The following SCFD2 variants were observed in gnomAD, a reference collection of about 807,000 sequenced individuals.
SCFD2 encodes the protein sec1 family domain-containing protein 2.
Under a neutral mutation model 58.9 loss-of-function variants are expected in SCFD2, and 54 were observed. The ratio of observed to expected loss-of-function variants is 0.92; its 90% CI spans 0.74 to 1.15. The LOEUF is 1.15. Ranked by LOEUF, SCFD2 falls within the 50% of genes most tolerant of loss-of-function variation. The pLI, the probability that SCFD2 is intolerant of heterozygous loss-of-function variation, is 0.00. For synonymous variants in SCFD2, 321 were observed against 335.9 expected, an observed-to-expected ratio of 0.96 and a Z score of 0.49; for missense variants, 805 against 836.6, an observed-to-expected ratio of 0.96 and a Z score of 0.47.
At chr4:53,238,056 A>AC (rs1186971221) in intron 4 of SCFD2, among the ~76,000 whole-genome samples, 90 of 107,626 alleles carry the variant, frequency 8.4e-4, no homozygotes, top group Non-Finnish European at 1.2e-3. Context: ...CGGGGGGCTG[A>AC]CCCCCCCACC....
chr4:53,093,644 A>G (rs1322639475), intron 5 of SCFD2, among the ~76,000 whole-genome samples: 2 of 152,192 alleles, frequency 1.3e-5, no homozygotes, highest in Admixed American at 1.3e-4. Flanking sequence ...AACCATAAAA[A>G]TTTAATAGAA....
At chr4:53,176,065 A>C (rs1309373343) in intron 4 of SCFD2, among the ~76,000 whole-genome samples, 1 of 152,154 alleles carries the variant, frequency 6.6e-6, no homozygotes, top group Non-Finnish European at 1.5e-5. Context: ...ACTTTATTTT[A>C]CAAAACAGTC....
At chr4:53,230,557 G>A (rs1729402714) in intron 4 of SCFD2, among the ~76,000 whole-genome samples, 1 of 140,408 alleles carries the variant, frequency 7.1e-6, no homozygotes, top group South Asian at 2.3e-4. Context: ...TCACTCATAG[G>A]TGGGAATTGA....
chr4:53,188,316 AC>A (rs1430531988), intron 4 of SCFD2, among the ~76,000 whole-genome samples: 1 of 152,110 alleles, frequency 6.6e-6, no homozygotes, highest in Non-Finnish European at 1.5e-5. Flanking sequence ...ATTTAAAGAA[AC>A]CTTTTGCCTG....
At chr4:53,312,173 G>A (rs1732712572) in intron 3 of SCFD2, among the ~76,000 whole-genome samples, 1 of 152,150 alleles carries the variant, frequency 6.6e-6, no homozygotes, top group African/African-American at 2.4e-5. Context: ...TGAGGGACCA[G>A]GCTAGGGCAT....
At chr4:53,259,685 T>TGC (rs1409308659) in intron 4 of SCFD2, among the ~76,000 whole-genome samples, 1 of 152,206 alleles carries the variant, frequency 6.6e-6, no homozygotes, top group Non-Finnish European at 1.5e-5. Flanking sequence ...TGCTTAGTCT[T>TGC]GCTTTGGCTA....
chr4:53,295,027 T>C (rs989114272), intron 3 of SCFD2, among the ~76,000 whole-genome samples: 7 of 152,212 alleles, frequency 4.6e-5, no homozygotes, highest in African/African-American at 1.7e-4. Context: ...TACCGTGCTG[T>C]TTTGGTTACT....
chr4:53,137,758 C>T (rs1283711470), intron 5 of SCFD2, among the ~76,000 whole-genome samples: 3 of 152,184 alleles, frequency 2.0e-5, no homozygotes, highest in Non-Finnish European at 4.4e-5. Flanking sequence ...TGAGTAATAA[C>T]AAAACATGTT....
intron 5 of SCFD2, among the ~76,000 whole-genome samples, chr4:53,123,712 G>A (rs1373904898): frequency 6.6e-6 from 1 of 152,206 alleles, no homozygotes; most frequent in Non-Finnish European, 1.5e-5. Context: ...GAAAGGGCAA[G>A]GCCCTGGGTA....
At chr4:53,136,607 T>C (rs552927897) in intron 5 of SCFD2, among the ~76,000 whole-genome samples, 1 of 152,364 alleles carries the variant, frequency 6.6e-6, no homozygotes, top group East Asian at 1.9e-4. Flanking sequence ...ACTAGTAGTG[T>C]ATCTGCAAAT....
chr4:53,349,975 T>C (rs557724716), intron 2 of SCFD2, among the ~76,000 whole-genome samples: 1 of 152,208 alleles, frequency 6.6e-6, no homozygotes, highest in Non-Finnish European at 1.5e-5. Context: ...CTTAGGCATG[T>C]TATTTAACTT....
intron 4 of SCFD2, among the ~76,000 whole-genome samples, chr4:53,190,886 T>C (rs1021469762): frequency 3.3e-5 from 5 of 149,846 alleles, no homozygotes; most frequent in Admixed American, 1.3e-4. Context: ...AGAATTCCTA[T>C]AAATATATTT....
chr4:53,223,089 A>C (rs1729096479), intron 4 of SCFD2, among the ~76,000 whole-genome samples: 1 of 152,216 alleles, frequency 6.6e-6, no homozygotes. Flanking sequence ...GATGATGGAC[A>C]AATGTTCAGT....
chr4:53,177,140 T>G (rs548352700), intron 4 of SCFD2, among the ~76,000 whole-genome samples: 44 of 152,330 alleles, frequency 2.9e-4, no homozygotes, highest in African/African-American at 1.0e-3. Flanking sequence ...GTTCAGGCAC[T>G]GAGTGCCAGA....
chr4:53,229,165 G>T (rs1010840120), intron 4 of SCFD2, among the ~76,000 whole-genome samples: 3 of 152,184 alleles, frequency 2.0e-5, no homozygotes, highest in Admixed American at 6.5e-5. Context: ...TGGCTAGGAA[G>T]AATCAATATC....
chr4:53,300,719 C>T (rs1401478288), intron 3 of SCFD2, among the ~76,000 whole-genome samples: 5 of 152,092 alleles, frequency 3.3e-5, no homozygotes, highest in East Asian at 3.9e-4. Context: ...CCTCAGGAAA[C>T]GTAAAAGAAC....
At chr4:53,201,818 G>C (rs887303018) in intron 4 of SCFD2, among the ~76,000 whole-genome samples, 1 of 152,182 alleles carries the variant, frequency 6.6e-6, no homozygotes, top group African/African-American at 2.4e-5. Flanking sequence ...CTACATAAAT[G>C]TCTTCTTCTG....
intron 4 of SCFD2, among the ~76,000 whole-genome samples, chr4:53,166,413 T>C (rs1032399137): frequency 8.5e-5 from 13 of 152,202 alleles, no homozygotes; most frequent in Non-Finnish European, 1.9e-4. Context: ...GGCTGCTTGC[T>C]AGGTAGAAAT....
At chr4:53,300,593 G>A (rs917969145) in intron 3 of SCFD2, among the ~76,000 whole-genome samples, 4 of 152,126 alleles carry the variant, frequency 2.6e-5, no homozygotes. Flanking sequence ...TCTGCACCAA[G>A]CAGACCTAAT....
Sources: allele counts gnomAD v4.1 joint callset (sites outside exome capture counted in the v4.1 genomes callset), GRCh38; gene constraint gnomAD v4.1.1; transcripts MANE v1.5; gene names NCBI Gene and HGNC (gene_info 2026-07-23, HGNC 2026-07-21).